The following KIAA0825 variants were observed in gnomAD, a reference collection of about 807,000 sequenced individuals.
KIAA0825 encodes the protein uncharacterized protein KIAA0825.
KIAA0825 carries 119 observed loss-of-function variants against 147.6 expected under a neutral mutation model. The observed-to-expected ratio is 0.81, with a 90% CI of 0.69 to 0.94. The LOEUF (loss-of-function observed/expected upper bound fraction) is 0.94, where lower values mean the gene tolerates loss of function less well. Ranked by LOEUF, KIAA0825 falls within the 40% of genes least tolerant of loss-of-function variation. The pLI is 0.00. For missense variants in KIAA0825, 1,381 were observed against 1,472.7 expected (o/e 0.94, Z 1.02); for synonymous variants, 470 against 518.1 (o/e 0.91, Z 1.26).
At chr5:94,342,312 T>C (rs1392432583) in intron 20 of KIAA0825, among the ~76,000 whole-genome samples, 1 of 152,222 alleles carries the variant, frequency 6.6e-6, no homozygotes, top group Non-Finnish European at 1.5e-5. Context: ...GTGTATCTTT[T>C]TCTTCAAATA....
At chr5:94,534,827 G>A (rs1221796136) in intron 3 of KIAA0825, among the ~76,000 whole-genome samples, 1 of 151,936 alleles carries the variant, frequency 6.6e-6, no homozygotes, top group Admixed American at 6.6e-5. Flanking sequence ...TGAAGGAAAT[G>A]GTTTACCTTT....
At chr5:94,561,759 T>C (rs1777596222) in intron 2 of KIAA0825, among the ~76,000 whole-genome samples, 1 of 152,248 alleles carries the variant, frequency 6.6e-6, no homozygotes, top group Non-Finnish European at 1.5e-5. Context: ...TAAATAATTA[T>C]ATTTTTCTAC....
intron 20 of KIAA0825, among the ~76,000 whole-genome samples, chr5:94,209,854 G>C (rs1006887483): frequency 1.3e-5 from 2 of 152,160 alleles, no homozygotes; most frequent in African/African-American, 4.8e-5. Flanking sequence ...ATCTAATTTT[G>C]TGCTGGAATG....
At chr5:94,490,176 A>G (rs1763567340) in intron 5 of KIAA0825, among the ~76,000 whole-genome samples, 1 of 152,188 alleles carries the variant, frequency 6.6e-6, no homozygotes, top group Non-Finnish European at 1.5e-5. Flanking sequence ...GCCAAAGACT[A>G]TATCCAGCTT....
chr5:94,334,186 C>T (rs774181427), intron 20 of KIAA0825, among the ~76,000 whole-genome samples: 14 of 152,138 alleles, frequency 9.2e-5, no homozygotes, highest in South Asian at 2.1e-4. Flanking sequence ...TGCTTTTTAA[C>T]ATCAGGAATA....
intron 20 of KIAA0825, among the ~76,000 whole-genome samples, chr5:94,266,303 AT>A (rs1332586265): frequency 2.0e-5 from 3 of 152,204 alleles, no homozygotes; most frequent in Non-Finnish European, 2.9e-5. Flanking sequence ...AATTTCTGTG[AT>A]ATTGTGTAAT....
chr5:94,599,590 C>T (rs1057254839), intron 1 of KIAA0825, among the ~76,000 whole-genome samples: 1 of 151,840 alleles, frequency 6.6e-6, no homozygotes, highest in Non-Finnish European at 1.5e-5. Flanking sequence ...CTTCTTGACA[C>T]TGGAGTAGGC....
At chr5:94,534,646 A>G (rs978776126) in intron 3 of KIAA0825, among the ~76,000 whole-genome samples, 2 of 152,106 alleles carry the variant, frequency 1.3e-5, no homozygotes, top group African/African-American at 4.8e-5. Context: ...CTATTTTTTA[A>G]TGCAAAATAC....
chr5:94,386,167 C>G, intron 19 of KIAA0825, 75 bp downstream of exon 19: 3 of 1,388,252 alleles, frequency 2.2e-6, no homozygotes, highest in Non-Finnish European at 2.9e-6. Flanking sequence ...AGTAAATACT[C>G]AAACACAAAG....
At chr5:94,179,403 T>TA (rs879791804) in intron 20 of KIAA0825, among the ~76,000 whole-genome samples, 17 of 152,120 alleles carry the variant, frequency 1.1e-4, no homozygotes, top group African/African-American at 3.4e-4. Flanking sequence ...GGAGCTGACT[T>TA]ACAAAACTCT....
intron 7 of KIAA0825, 46 bp from the exon 8 acceptor site, chr5:94,473,565 A>G (rs750513305): frequency 6.8e-6 from 8 of 1,172,524 alleles, no homozygotes; most frequent in Non-Finnish European, 9.9e-6. Context: ...TAACTCAGCA[A>G]CAAATGTTTC....
At position 94,282,439 on chromosome 5, in the gene KIAA0825, T is replaced by C. The variant is rs138495497; in HGVS notation, c.3710+101929A>G. ...CCATAATATTAAAACTCACATTGGATTGGCACAAAAACAGACAAACTGATG... is the reference window on the plus strand; with the variant it reads ...CCATAATATTAAAACTCACATTGGACTGGCACAAAAACAGACAAACTGATG... On this transcript the variant is annotated intron_variant, in intron 20 of 20. Coordinates refer to ENST00000682413, the MANE Select transcript of KIAA0825 (RefSeq NM_001145678.3). Among the ~76,000 whole-genome samples, 184 of 152,146 alleles carry C rather than the reference T, an allele frequency of 1.2e-3. 1 individual carries two copies. Among genetic ancestry groups the C allele is most frequent in the Non-Finnish European group, 1.9e-3 (132 of 67,978 alleles).
chr5:94,521,528 G>C (rs1379343010), intron 4 of KIAA0825, among the ~76,000 whole-genome samples: 1 of 151,534 alleles, frequency 6.6e-6, no homozygotes, highest in Non-Finnish European at 1.5e-5. Flanking sequence ...ACTGTGTTAA[G>C]AAAGATTTTA....
At chr5:94,505,854 A>G (rs1765678384) in intron 5 of KIAA0825, among the ~76,000 whole-genome samples, 1 of 152,216 alleles carries the variant, frequency 6.6e-6, no homozygotes, top group South Asian at 2.1e-4. Context: ...ATCTCATGAC[A>G]TTTAATATTA....
chr5:94,375,007 G>C (rs938890965), intron 20 of KIAA0825, among the ~76,000 whole-genome samples: 6 of 149,720 alleles, frequency 4.0e-5, no homozygotes, highest in Non-Finnish European at 8.9e-5. Context: ...GTTAAAAATA[G>C]ATTTTTCTTT....
At chr5:94,317,271 G>A (rs1211447807) in intron 20 of KIAA0825, among the ~76,000 whole-genome samples, 2 of 151,766 alleles carry the variant, frequency 1.3e-5, no homozygotes, top group East Asian at 1.9e-4. Flanking sequence ...TGTTACATAC[G>A]ACTCACCAGA....
At chr5:94,445,381 C>T (rs1449521616) in intron 13 of KIAA0825, among the ~76,000 whole-genome samples, 1 of 152,160 alleles carries the variant, frequency 6.6e-6, no homozygotes, top group East Asian at 1.9e-4. Context: ...GGCACTTCAG[C>T]TCATGGAGTC....
At chr5:94,300,005 T>C (rs1562356805) in intron 20 of KIAA0825, among the ~76,000 whole-genome samples, 1 of 152,074 alleles carries the variant, frequency 6.6e-6, no homozygotes, top group African/African-American at 2.4e-5. Flanking sequence ...ATTTCCCTCA[T>C]GACGTCTTAT....
chr5:94,216,945 A>T (rs1019972128), intron 20 of KIAA0825, among the ~76,000 whole-genome samples: 1 of 152,176 alleles, frequency 6.6e-6, no homozygotes, highest in African/African-American at 2.4e-5. Flanking sequence ...TCATTTACAC[A>T]TTTACTCCTT....
Sources: gnomAD v4.1 joint callset for allele counts (sites outside exome capture counted in the v4.1 genomes callset) on GRCh38, gnomAD v4.1.1 for gene constraint, MANE v1.5 for transcripts, NCBI Gene and HGNC (gene_info 2026-07-23, HGNC 2026-07-21) for gene names.